The following MUC15 variants were observed in gnomAD, a reference collection of about 807,000 sequenced individuals.
MUC15 encodes the protein mucin 15, cell surface associated, also known as mucin-15.
MUC15 carries 23 observed loss-of-function variants against 24.0 expected under a neutral mutation model. That is an observed-to-expected ratio of 0.96 (90% CI 0.69 to 1.36). The LOEUF (loss-of-function observed/expected upper bound fraction) is 1.36, where lower values mean the gene tolerates loss of function less well. Ranked by LOEUF, MUC15 falls within the 40% of genes most tolerant of loss-of-function variation. MUC15 has a pLI of 0.00. For missense variants in MUC15, 442 were observed against 428.2 expected, an observed-to-expected ratio of 1.03 and a Z score of -0.29; for synonymous variants, 151 against 156.3, an observed-to-expected ratio of 0.97 and a Z score of 0.25.
chr11:26,571,109 C>T (rs1191992483), intron 1 of MUC15, among the ~76,000 whole-genome samples: 1 of 152,036 alleles, frequency 6.6e-6, no homozygotes, highest in East Asian at 1.9e-4. Flanking sequence ...GTCATATGAC[C>T]TGCTACCTTG....
At chr11:26,564,830 A>G (rs1359330914) in intron 3 of MUC15, among the ~76,000 whole-genome samples, 1 of 137,212 alleles carries the variant, frequency 7.3e-6, no homozygotes, top group Non-Finnish European at 1.5e-5. Context: ...AATTTCAGGT[A>G]GTCTTTTCAA....
chr11:26,563,391 C>CTGTGTG (rs1324484561), intron 3 of MUC15, 126 bp from the exon 4 acceptor site: 14 of 840,842 alleles, frequency 1.7e-5, no homozygotes, highest in South Asian at 1.1e-4. Context: ...GTGTGTTTCT[C>CTGTGTG]TCTCTGTGTG....
Position 26,559,863 on chromosome 11 carries a change from C to CAG in MUC15, c.*1201_*1202insCT. 1 of 911,518 alleles carries CAG rather than the reference C, an allele frequency of 1.1e-6. No individual in the cohort carries two copies. Among genetic ancestry groups the CAG allele is most frequent in the Non-Finnish European group, 1.8e-6 (1 of 554,468 alleles). 56.5% of individuals were successfully genotyped at this position (911,518 alleles called of 1,614,324 possible). On this transcript the variant is annotated 3_prime_UTR_variant, in exon 5 of 5. Transcript: ENST00000529533. ...ACACACACACACACACACACACACA[C>CAG]ACACACACACACCATGAATCAATTC...
chr11:26,566,369 A>G (rs190361512), intron 2 of MUC15, among the ~76,000 whole-genome samples: 40 of 152,044 alleles, frequency 2.6e-4, no homozygotes, highest in Admixed American at 6.6e-4. Context: ...TATGAAAATG[A>G]CATTACTGAC....
At chr11:26,561,928 T>C (rs968031561) in intron 4 of MUC15, among the ~76,000 whole-genome samples, 1 of 151,984 alleles carries the variant, frequency 6.6e-6, no homozygotes, top group African/African-American at 2.4e-5. Flanking sequence ...CACTTAGGTA[T>C]CATCATTTGC....
rs752751559 is a variant in MUC15, at chr11:26,563,179, A to AC, written c.861dup (p.Cys288ValfsTer16). 2.5e-6 allele frequency: 4 copies of AC among 1,612,632 alleles called. No homozygotes were observed. The South Asian group carries it at 4.4e-5, about 18-fold the overall frequency. On this transcript the variant is annotated frameshift_variant, in exon 4 of 5. Transcript: ENST00000529533. LOFTEE classifies it high-confidence loss of function. ...AATGAATCCGTTTTCCTTTTTCCAC[A>AC]CAACAAGTAGCCCACAAGAGTAAGC...
In MUC15 at chr11:26,559,267, G is replaced by A. The variant is rs1850186832; in HGVS notation, c.*1798C>T. On this transcript the variant is annotated 3_prime_UTR_variant, in exon 5 of 5. Transcript: ENST00000529533. ...ACATTTTGAAAGACTAAGAGAATAGGGTTAGCTATGGGAAATGCTGGCTCA... is the reference window on the plus strand; with the variant it reads ...ACATTTTGAAAGACTAAGAGAATAGAGTTAGCTATGGGAAATGCTGGCTCA... 1 of 158,082 alleles carries A rather than the reference G, an allele frequency of 6.3e-6. No homozygotes were observed. The allele number at this position is 158,082 out of a possible 1,614,324, so 9.8% of individuals were successfully genotyped here.
chr11:26,562,197 AT>A (rs1565106282), intron 4 of MUC15, among the ~76,000 whole-genome samples: 4 of 151,860 alleles, frequency 2.6e-5, no homozygotes, highest in Admixed American at 2.6e-4. Context: ...CTATCCTTTA[AT>A]TTTTGAAGAA....
Position 26,559,835 on chromosome 11 carries a change from TACACACACACAC to T in MUC15, c.*1218_*1229del, listed in dbSNP as rs71047866. Reference sequence around the variant, plus strand: ...TTATTTTCTGAAGCTGTTTCTGTGTTACACACACACACACACACACACACACACACACACACA... The same window carrying T: ...TTATTTTCTGAAGCTGTTTCTGTGTTACACACACACACACACACACACACA... On this transcript the variant is annotated 3_prime_UTR_variant, in exon 5 of 5. Transcript: ENST00000529533. 1.6e-3 allele frequency: 1,064 copies of T among 661,392 alleles called. No individual in the cohort carries two copies. Among genetic ancestry groups the T allele is most frequent in the Non-Finnish European group, 2.0e-3 (746 of 369,192 alleles). 41.0% of individuals were successfully genotyped at this position (661,392 alleles called of 1,614,324 possible).
rs372786334 is a variant in MUC15 at position 26,563,174 on chromosome 11, T to A, written c.867A>T (p.Gly289=). 75 of 1,612,446 alleles carry A rather than the reference T, an allele frequency of 4.7e-5. No individual in the cohort carries two copies. The highest frequency in any genetic ancestry group is 5.8e-5 in the Non-Finnish European group (68 of 1,179,014). Residue 289 remains glycine (G), a synonymous_variant, in exon 4 of 5, where the codon GGA becomes GGT. Transcript: ENST00000529533. ...GGGAAAATGAATCCGTTTTCCTTTT[T>A]CCACACAACAAGTAGCCCACAAGAG... is the stretch of plus-strand genomic sequence containing the variant. ...LLTLVGYLLC[G]KRKTDSFSHR...
chr11:26,560,947 G>T lies in MUC15; in HGVS notation c.*118C>A. On this transcript the variant is annotated 3_prime_UTR_variant, in exon 5 of 5. Transcript: ENST00000529533. ...TCTGCTACTGGTCTCCTGCTTTTATGATTCTCCTTGACAAAATCCACGTGA... is the reference window on the plus strand; with the variant it reads ...TCTGCTACTGGTCTCCTGCTTTTATTATTCTCCTTGACAAAATCCACGTGA... 1 of 975,754 alleles carries T rather than the reference G, an allele frequency of 1.0e-6. No individual in the cohort carries two copies. The highest frequency in any genetic ancestry group is 1.5e-6 in the Non-Finnish European group (1 of 661,228). The allele number at this position is 975,754 out of a possible 1,614,324, so 60.4% of individuals were successfully genotyped here.
chr11:26,565,879 GT>G lies in MUC15; in HGVS notation c.60del (p.Lys20AsnfsTer12), dbSNP rs763099571. 40 of 1,566,880 alleles carry G rather than the reference GT, an allele frequency of 2.6e-5. No homozygotes were observed. Among genetic ancestry groups the G allele is most frequent in the South Asian group, 1.3e-4 (11 of 83,172 alleles). ...TSRDCYSFKK[K>X]PIPKKPTMLA... ...AACATTGTAGGCTTCTTTGGTATTGGTTTTTTTTTAAAGGAATCTGAAAGAA... is the reference window on the plus strand; with the variant it reads ...AACATTGTAGGCTTCTTTGGTATTGGTTTTTTTTAAAGGAATCTGAAAGAA... On this transcript the variant is annotated frameshift_variant, in exon 3 of 5. Transcript: ENST00000529533. LOFTEE classifies it high-confidence loss of function.
Position 26,563,025 on chromosome 11 carries a change from G to A in MUC15, c.925+91C>T, listed in dbSNP as rs1035406964. ...TTTGTTCATTCATATGAATTCTTTTGGAATTACCTTCTAGGCAATGCAGTG... is the reference window on the plus strand; with the variant it reads ...TTTGTTCATTCATATGAATTCTTTTAGAATTACCTTCTAGGCAATGCAGTG... On this transcript the variant is annotated intron_variant, in intron 4 of 4. Coordinates refer to ENST00000529533, the MANE Select transcript of MUC15 (RefSeq NM_001135091.2). 7.4e-6 allele frequency: 11 copies of A among 1,481,242 alleles called. No individual in the cohort carries two copies. In the Admixed American group the frequency reaches 1.4e-4, roughly 19 times the overall value. 91.8% of individuals were successfully genotyped at this position (1,481,242 alleles called of 1,614,324 possible). A position where few individuals can be genotyped will look rare whatever the true frequency, so the allele number is the denominator to read the frequency against.
chr11:26,563,296 A>G lies in MUC15; in HGVS notation c.776-31T>C, dbSNP rs753970078. ...GGACAAAAAAAATTTAAAGAAATATAAAATAATTATTCAAAGAACCGAACT... is the reference window on the plus strand; with the variant it reads ...GGACAAAAAAAATTTAAAGAAATATGAAATAATTATTCAAAGAACCGAACT... On this transcript the variant is annotated intron_variant, in intron 3 of 4. Coordinates refer to ENST00000529533, the MANE Select transcript of MUC15 (RefSeq NM_001135091.2). The G allele has an allele frequency of 5.1e-6, 8 of 1,559,890 alleles. No homozygotes were observed. The African/African-American group carries it at 1.1e-4, about 22-fold the overall frequency.
At chr11:26,562,713 C>A (rs865807542) in intron 4 of MUC15, among the ~76,000 whole-genome samples, 20 of 151,732 alleles carry the variant, frequency 1.3e-4, no homozygotes, top group African/African-American at 4.6e-4. Flanking sequence ...AAAAGAGCTC[C>A]AAATTAGAAT....
At chr11:26,565,132 C>T in intron 3 of MUC15, 33 bp downstream of exon 3, 1 of 1,485,690 alleles carries the variant, frequency 6.7e-7, no homozygotes, top group African/African-American at 1.4e-5. Context: ...TTCAGTTTCA[C>T]ACAAAAGGAA....
Position 26,565,378 on chromosome 11 carries a change from G to C in MUC15, c.562C>G (p.Pro188Ala), listed in dbSNP as rs1299464060. 7 of 1,613,076 alleles carry C rather than the reference G, an allele frequency of 4.3e-6. No individual in the cohort carries two copies. Among genetic ancestry groups the C allele is most frequent in the Admixed American group, 1.7e-5 (1 of 59,872 alleles). ...WSLVNDTVKTPDNSSITVSIL... is the reference protein window; with the variant it reads ...WSLVNDTVKTADNSSITVSIL... ...CTAACTGTAATGGAACTGTTATCAG[G>C]AGTTTTCACGGTGTCATTGACCAAA... Residue 188 changes from proline (P) to alanine (A), a missense_variant, in exon 3 of 5, where the codon CCT (proline) becomes GCT (alanine). By Grantham distance (27) the Pro-to-Ala change is conservative. Coordinates refer to ENST00000529533, the MANE Select transcript of MUC15 (RefSeq NM_001135091.2).
chr11:26,559,845 C>T lies in MUC15; in HGVS notation c.*1220G>A. The T allele has an allele frequency of 5.7e-6, 4 of 707,524 alleles. No homozygotes were observed. The South Asian group carries it at 6.4e-5, about 11-fold the overall frequency. 43.8% of individuals were successfully genotyped at this position (707,524 alleles called of 1,614,324 possible). On this transcript the variant is annotated 3_prime_UTR_variant, in exon 5 of 5. Coordinates refer to ENST00000529533, the MANE Select transcript of MUC15 (RefSeq NM_001135091.2). ...AAGCTGTTTCTGTGTTACACACACA[C>T]ACACACACACACACACACACACACA... is the stretch of plus-strand genomic sequence containing the variant.
At chr11:26,567,215 C>A in intron 1 of MUC15, 76 bp from the exon 2 acceptor site, 1 of 908,342 alleles carries the variant, frequency 1.1e-6, no homozygotes, top group Non-Finnish European at 1.5e-6. Context: ...ATTTGCAGTG[C>A]TTTTAATGGA....
Sources: allele counts gnomAD v4.1 joint callset (sites outside exome capture counted in the v4.1 genomes callset), GRCh38; gene constraint gnomAD v4.1.1; transcripts MANE v1.5; gene names NCBI Gene and HGNC (gene_info 2026-07-23, HGNC 2026-07-21).